HDAC9: variants seen among roughly 807,000 people sequenced by gnomAD.
The protein encoded by HDAC9 is MEF-2 interacting transcription repressor (MITR) protein.
Under a neutral mutation model 139.4 loss-of-function variants are expected in HDAC9, and 41 were observed. The ratio of observed to expected loss-of-function variants is 0.29; its 90% CI spans 0.23 to 0.38. HDAC9 has a LOEUF of 0.38. HDAC9 is among the 10% of genes least tolerant of loss of function. The pLI, the probability that HDAC9 is intolerant of heterozygous loss-of-function variation, is 1.00. For synonymous variants in HDAC9, 517 were observed against 476.2 expected, an observed-to-expected ratio of 1.09 and a Z score of -1.12; for missense variants, 1,147 against 1,297.0, an observed-to-expected ratio of 0.88 and a Z score of 1.78.
At chr7:18,604,822 A>G (rs890322874) in intron 6 of HDAC9, among the ~76,000 whole-genome samples, 2 of 152,052 alleles carry the variant, frequency 1.3e-5, no homozygotes, top group Admixed American at 1.3e-4. Context: ...CCAACTTCCC[A>G]TTAGAACCCT....
chr7:18,533,140 A>T (rs1417675360), intron 2 of HDAC9, among the ~76,000 whole-genome samples: 1 of 152,176 alleles, frequency 6.6e-6, no homozygotes, highest in Non-Finnish European at 1.5e-5. Flanking sequence ...TCTGAAGTTC[A>T]TTGCAAAATC....
At chr7:18,787,144 G>A (rs1255312062) in intron 16 of HDAC9, among the ~76,000 whole-genome samples, 1 of 152,106 alleles carries the variant, frequency 6.6e-6, no homozygotes, top group Admixed American at 6.6e-5. Flanking sequence ...ACAGGACTCT[G>A]GGAGTGTGGG....
chr7:18,378,056 T>C (rs1785131824), intron 1 of HDAC9, among the ~76,000 whole-genome samples: 1 of 152,078 alleles, frequency 6.6e-6, no homozygotes, highest in Non-Finnish European at 1.5e-5. Flanking sequence ...TTTAAATAAT[T>C]AGTTAGCAAA....
intron 17 of HDAC9, among the ~76,000 whole-genome samples, chr7:18,804,590 A>C (rs779975544): frequency 2.6e-5 from 4 of 152,174 alleles, no homozygotes; most frequent in Non-Finnish European, 4.4e-5. Context: ...AAAATGGTTC[A>C]ACAAGTAAGG....
At chr7:18,693,990 A>G (rs1288890528) in intron 12 of HDAC9, among the ~76,000 whole-genome samples, 1 of 152,210 alleles carries the variant, frequency 6.6e-6, no homozygotes, top group Non-Finnish European at 1.5e-5. Context: ...AATGTTGGTA[A>G]CCGATTGTAC....
chr7:18,988,856 G>A (rs1218470775), intron 25 of HDAC9, among the ~76,000 whole-genome samples: 5 of 150,990 alleles, frequency 3.3e-5, no homozygotes, highest in African/African-American at 1.2e-4. Context: ...TTGGTTTAAA[G>A]TCTCTTTTAT....
chr7:18,475,232 C>G (rs944956577), intron 1 of HDAC9, among the ~76,000 whole-genome samples: 1 of 152,170 alleles, frequency 6.6e-6, no homozygotes, highest in African/African-American at 2.4e-5. Context: ...GAGCCATGGA[C>G]TCTTCTGACC....
At chr7:18,395,585 G>C (rs528908351) in intron 1 of HDAC9, among the ~76,000 whole-genome samples, 1 of 149,752 alleles carries the variant, frequency 6.7e-6, no homozygotes, top group African/African-American at 2.5e-5. Flanking sequence ...GGGAAGGAGA[G>C]AATTCTTTGT....
chr7:18,533,432 T>C (rs568207483), intron 2 of HDAC9, among the ~76,000 whole-genome samples: 5 of 152,240 alleles, frequency 3.3e-5, no homozygotes, highest in Admixed American at 6.5e-5. Flanking sequence ...CTTATATTTG[T>C]TGAATTTTTA....
intron 1 of HDAC9, among the ~76,000 whole-genome samples, chr7:18,456,388 AC>A (rs1793350043): frequency 6.6e-6 from 1 of 151,990 alleles, no homozygotes; most frequent in South Asian, 2.1e-4. Flanking sequence ...GGCACATGCC[AC>A]CATGCCTGGC....
At chr7:18,730,700 G>T (rs1785968242) in intron 13 of HDAC9, among the ~76,000 whole-genome samples, 1 of 152,194 alleles carries the variant, frequency 6.6e-6, no homozygotes, top group Admixed American at 6.5e-5. Flanking sequence ...GTGAGGTGTG[G>T]TGGGACAGAA....
At chr7:18,273,877 C>T (rs575702404) in intron 2 of HDAC9, among the ~76,000 whole-genome samples, 1 of 152,230 alleles carries the variant, frequency 6.6e-6, no homozygotes, top group Admixed American at 6.5e-5. Flanking sequence ...CAAAACTACA[C>T]TGTTATACAA....
chr7:18,571,720 C>A (rs1003873469), intron 2 of HDAC9, among the ~76,000 whole-genome samples: 2 of 151,438 alleles, frequency 1.3e-5, no homozygotes, highest in Admixed American at 6.6e-5. Context: ...AAACCCTATT[C>A]CTGTTATGCA....
intron 12 of HDAC9, chr7:18,666,992 T>C: frequency 1.0e-6 from 1 of 985,332 alleles, no homozygotes; most frequent in Non-Finnish European, 1.2e-6. Flanking sequence ...AAAGGTAGTC[T>C]GCCCCTTCCT....
At chr7:18,599,974 G>GT (rs35922999) in intron 6 of HDAC9, among the ~76,000 whole-genome samples, 131,007 of 148,976 alleles carry the variant, frequency 0.88, 57,575 homozygotes, top group South Asian at 0.96. Context: ...TGTATTTTAA[G>GT]TTTTTTTTTT....
intron 2 of HDAC9, among the ~76,000 whole-genome samples, chr7:18,209,900 C>G (rs1434236635): frequency 6.6e-6 from 1 of 152,084 alleles, no homozygotes; most frequent in Admixed American, 6.5e-5. Context: ...TGGGGTTTCA[C>G]CATGTTAGCC....
intron 24 of HDAC9, among the ~76,000 whole-genome samples, chr7:18,965,653 G>T (rs565324170): frequency 6.6e-5 from 10 of 152,334 alleles, no homozygotes; most frequent in African/African-American, 2.2e-4. Flanking sequence ...TCTGAGAGCT[G>T]ATGTAAAACA....
intron 2 of HDAC9, among the ~76,000 whole-genome samples, chr7:18,206,755 T>C (rs904138052): frequency 3.3e-5 from 5 of 152,136 alleles, no homozygotes; most frequent in Non-Finnish European, 5.9e-5. Context: ...GAGGGGTGCA[T>C]CATGCTTTTT....
chr7:18,315,209 C>A (rs1162699309), intron 1 of HDAC9, among the ~76,000 whole-genome samples: 1 of 152,070 alleles, frequency 6.6e-6, no homozygotes, highest in African/African-American at 2.4e-5. Flanking sequence ...GTTTCCTATA[C>A]CTTATTGTAA....
Sources: gnomAD v4.1 joint callset for allele counts (sites outside exome capture counted in the v4.1 genomes callset) on GRCh38, gnomAD v4.1.1 for gene constraint, MANE v1.5 for transcripts, NCBI Gene and HGNC (gene_info 2026-07-23, HGNC 2026-07-21) for gene names.